Variants in CSMD1 observed in about 807,000 individuals in gnomAD.
The protein encoded by CSMD1 is CUB and sushi domain-containing protein 1.
CSMD1 carries 213 observed loss-of-function variants against 417.5 expected under a neutral mutation model. The observed-to-expected ratio is 0.51, with a 90% CI of 0.46 to 0.57. The LOEUF (loss-of-function observed/expected upper bound fraction) is 0.57, where lower values mean the gene tolerates loss of function less well. Among genes scored for constraint, CSMD1 ranks in the 20% least tolerant of loss-of-function variants. The pLI is 0.00. For missense variants in CSMD1, 6,923 were observed against 4,529.7 expected (o/e 1.53, Z -15.17); for synonymous variants, 2,862 against 1,736.8 (o/e 1.65, Z -16.11).
At chr8:4,208,691 G>T (rs1227541810) in intron 3 of CSMD1, among the ~76,000 whole-genome samples, 1 of 152,108 alleles carries the variant, frequency 6.6e-6, no homozygotes, top group Non-Finnish European at 1.5e-5. Flanking sequence ...GATGAGTCAA[G>T]AAATGATTAA....
At chr8:3,321,572 G>A (rs1039731862) in intron 23 of CSMD1, among the ~76,000 whole-genome samples, 3 of 152,122 alleles carry the variant, frequency 2.0e-5, no homozygotes, top group Non-Finnish European at 2.9e-5. Context: ...CTGAACGCAC[G>A]GGTAGCCCAG....
rs192801817 is a variant in CSMD1 at position 4,910,832 on chromosome 8, A to T, written c.85+83500T>A. Among the ~76,000 whole-genome samples, 503 of 152,336 alleles carry T rather than the reference A, an allele frequency of 3.3e-3. 3 individuals carry two copies. Among genetic ancestry groups the T allele is most frequent in the African/African-American group, 0.012 (482 of 41,586 alleles). Reference sequence around the variant, plus strand: ...ATAAATGTCATTAGATAGTCATCAAACTGATATGGTTTGGCTGTGTCCCCA... The same window carrying T: ...ATAAATGTCATTAGATAGTCATCAATCTGATATGGTTTGGCTGTGTCCCCA... On this transcript the variant is annotated intron_variant, in intron 1 of 69. Coordinates refer to ENST00000635120, the MANE Select transcript of CSMD1 (RefSeq NM_033225.6).
intron 2 of CSMD1, among the ~76,000 whole-genome samples, chr8:4,570,992 C>G (rs933812189): frequency 6.6e-6 from 1 of 152,026 alleles, no homozygotes; most frequent in Non-Finnish European, 1.5e-5. Flanking sequence ...GGTGATATCC[C>G]TTTATCTTTT....
chr8:4,777,529 C>T (rs1796927126), intron 1 of CSMD1, among the ~76,000 whole-genome samples: 1 of 152,170 alleles, frequency 6.6e-6, no homozygotes, highest in African/African-American at 2.4e-5. Flanking sequence ...TGAAACATAA[C>T]ACATTTTTTA....
At chr8:4,059,482 CA>C (rs1798860820) in intron 3 of CSMD1, among the ~76,000 whole-genome samples, 1 of 152,056 alleles carries the variant, frequency 6.6e-6, no homozygotes, top group Non-Finnish European at 1.5e-5. Flanking sequence ...AATAACCCTT[CA>C]AAAAATTAAT....
chr8:4,470,763 C>G (rs987260845), intron 2 of CSMD1, among the ~76,000 whole-genome samples: 11 of 152,112 alleles, frequency 7.2e-5, no homozygotes, highest in Admixed American at 7.2e-4. Context: ...CTTAATTGGA[C>G]CCAGATTATT....
chr8:4,279,759 A>T (rs932267922), intron 3 of CSMD1, among the ~76,000 whole-genome samples: 2 of 152,218 alleles, frequency 1.3e-5, no homozygotes, highest in African/African-American at 4.8e-5. Context: ...GAAAAAAAAT[A>T]AAACTCTACG....
At chr8:4,661,514 T>C (rs1463979426) in intron 1 of CSMD1, among the ~76,000 whole-genome samples, 2 of 152,174 alleles carry the variant, frequency 1.3e-5, no homozygotes, top group Non-Finnish European at 2.9e-5. Flanking sequence ...TGAATGTGAC[T>C]CTACATGAGA....
At chr8:4,373,926 C>G (rs1214892447) in intron 3 of CSMD1, among the ~76,000 whole-genome samples, 3 of 152,300 alleles carry the variant, frequency 2.0e-5, no homozygotes, top group Non-Finnish European at 2.9e-5. Flanking sequence ...CCCTTTCTCT[C>G]TATACCTAGA....
chr8:4,940,123 T>G (rs1807890743), intron 1 of CSMD1, among the ~76,000 whole-genome samples: 1 of 151,818 alleles, frequency 6.6e-6, no homozygotes, highest in African/African-American at 2.4e-5. Context: ...AGGTCTTGGC[T>G]CCCCCTGTGA....
In CSMD1 at chr8:4,372,723, A is replaced by G. The variant is rs140046184; in HGVS notation, c.415+47230T>C. On this transcript the variant is annotated intron_variant, in intron 3 of 69. Transcript: ENST00000635120. ...CTAACTGAAAGAGTTCTCACTGTCC[A>G]AACCTAGAAAATGGAGGCAAAAGAA... Among the ~76,000 whole-genome samples the G allele has an allele frequency of 6.2e-5, 9 of 146,130 alleles. No homozygotes were observed. In the East Asian group the frequency reaches 1.4e-3, roughly 23 times the overall value.
chr8:4,284,521 T>C (rs1363229669), intron 3 of CSMD1, among the ~76,000 whole-genome samples: 1 of 152,166 alleles, frequency 6.6e-6, no homozygotes, highest in East Asian at 1.9e-4. Flanking sequence ...CCATATGGTA[T>C]AGGTTCTTGC....
chr8:4,124,767 C>A (rs567580927), intron 3 of CSMD1, among the ~76,000 whole-genome samples: 2 of 152,262 alleles, frequency 1.3e-5, no homozygotes, highest in East Asian at 3.9e-4. Context: ...GAAACTTCAA[C>A]CAATCATATA....
chr8:3,364,804 A>G (rs1002706386), intron 20 of CSMD1, among the ~76,000 whole-genome samples: 5 of 152,158 alleles, frequency 3.3e-5, no homozygotes, highest in African/African-American at 9.7e-5. Context: ...TTGAGAAACA[A>G]ATTTCTGTTA....
At chr8:4,372,526 A>C (rs1191406620) in intron 3 of CSMD1, among the ~76,000 whole-genome samples, 17 of 152,054 alleles carry the variant, frequency 1.1e-4, no homozygotes, top group Non-Finnish European at 2.5e-4. Context: ...CTAATACCTC[A>C]TCCAATAAAA....
intron 2 of CSMD1, among the ~76,000 whole-genome samples, chr8:4,474,678 C>A (rs563670066): frequency 3.0e-4 from 45 of 152,210 alleles, no homozygotes; most frequent in Admixed American, 1.2e-3. Context: ...TGAACAACAA[C>A]GTGGATCTCA....
chr8:3,290,313 C>CT (rs1316092933), intron 25 of CSMD1, among the ~76,000 whole-genome samples: 1 of 146,600 alleles, frequency 6.8e-6, no homozygotes, highest in African/African-American at 2.7e-5. Context: ...GATTTGGGCT[C>CT]TTTTTTGGTT....
intron 5 of CSMD1, among the ~76,000 whole-genome samples, chr8:3,807,959 C>G (rs1431457047): frequency 6.6e-6 from 1 of 152,146 alleles, no homozygotes. Context: ...CATAACTTGT[C>G]AAACAAGACA....
At chr8:3,702,583 C>A (rs4875778) in intron 7 of CSMD1, among the ~76,000 whole-genome samples, 4 of 152,040 alleles carry the variant, frequency 2.6e-5, no homozygotes, top group African/African-American at 9.7e-5. Flanking sequence ...GTAATCCCAG[C>A]ACTTTGGGAG....
Sources: allele counts gnomAD v4.1 joint callset (sites outside exome capture counted in the v4.1 genomes callset), GRCh38; gene constraint gnomAD v4.1.1; transcripts MANE v1.5; gene names NCBI Gene and HGNC (gene_info 2026-07-23, HGNC 2026-07-21).